The following MAML2 variants were observed in gnomAD, a reference collection of about 807,000 sequenced individuals.
MAML2 encodes mastermind like transcriptional coactivator 2.
In MAML2, 22 loss-of-function variants were observed where a neutral mutation model predicts 96.1. The observed-to-expected ratio is 0.23, with a 90% CI of 0.16 to 0.33. The LOEUF (loss-of-function observed/expected upper bound fraction) is 0.33. Among genes scored for constraint, MAML2 ranks in the 10% least tolerant of loss-of-function variants. MAML2 has a pLI of 1.00. For missense variants in MAML2, 1,367 were observed against 1,392.4 expected (o/e 0.98, Z 0.29); for synonymous variants, 561 against 521.3 (o/e 1.08, Z -1.04).
intron 1 of MAML2, among the ~76,000 whole-genome samples, chr11:96,198,936 G>A (rs1861771525): frequency 6.6e-6 from 1 of 150,494 alleles, no homozygotes; most frequent in African/African-American, 2.4e-5. Context: ...GGTGGCTCAC[G>A]TCTGTAATCC....
At chr11:96,266,503 G>A (rs1317735376) in intron 1 of MAML2, among the ~76,000 whole-genome samples, 5 of 151,790 alleles carry the variant, frequency 3.3e-5, no homozygotes, top group Non-Finnish European at 5.9e-5. Context: ...CCCAGGAGGC[G>A]GAGCTTGCAG....
At chr11:96,323,590 A>G (rs1284061778) in intron 1 of MAML2, among the ~76,000 whole-genome samples, 1 of 152,158 alleles carries the variant, frequency 6.6e-6, no homozygotes, top group Non-Finnish European at 1.5e-5. Flanking sequence ...ATTTAAACCC[A>G]AACTTATTCT....
chr11:96,025,481 C>T (rs1858502513), intron 2 of MAML2, among the ~76,000 whole-genome samples: 1 of 152,134 alleles, frequency 6.6e-6, no homozygotes, highest in Non-Finnish European at 1.5e-5. Context: ...AATTCATACC[C>T]CAAACCTCAG....
chr11:95,998,133 TGTCTGTCA>T (rs1267636179), intron 2 of MAML2, among the ~76,000 whole-genome samples: 22 of 137,636 alleles, frequency 1.6e-4, no homozygotes, highest in African/African-American at 5.6e-4. Context: ...TCTGTCTGTC[TGTCTGTCA>T]GTCTGTCTGT....
At chr11:96,273,949 C>G (rs1192459734) in intron 1 of MAML2, among the ~76,000 whole-genome samples, 3 of 152,070 alleles carry the variant, frequency 2.0e-5, no homozygotes, top group African/African-American at 7.2e-5. Flanking sequence ...ATTTTTACAA[C>G]ATGTAATTCC....
intron 2 of MAML2, among the ~76,000 whole-genome samples, chr11:96,066,572 C>G (rs1859248706): frequency 6.6e-6 from 1 of 152,090 alleles, no homozygotes; most frequent in Non-Finnish European, 1.5e-5. Context: ...GAGTTTAGAC[C>G]TAAAGTGAGA....
chr11:96,075,242 A>AATGT (rs1859416074), intron 2 of MAML2, among the ~76,000 whole-genome samples: 1 of 152,238 alleles, frequency 6.6e-6, no homozygotes, highest in South Asian at 2.1e-4. Context: ...CTATCCTGGT[A>AATGT]GCAAACTTGA....
At chr11:96,005,143 T>C (rs1312466645) in intron 2 of MAML2, among the ~76,000 whole-genome samples, 1 of 152,210 alleles carries the variant, frequency 6.6e-6, no homozygotes, top group Non-Finnish European at 1.5e-5. Flanking sequence ...AGAAATACAT[T>C]TCTGTTCTTT....
chr11:96,189,300 A>G (rs1260845401), intron 1 of MAML2, among the ~76,000 whole-genome samples: 1 of 152,214 alleles, frequency 6.6e-6, no homozygotes. Flanking sequence ...GCCATTTTGT[A>G]TGGCACAAGT....
chr11:96,326,388 CATGTA>C (rs1863781546), intron 1 of MAML2, among the ~76,000 whole-genome samples: 2 of 140,286 alleles, frequency 1.4e-5, no homozygotes, highest in South Asian at 4.5e-4. Context: ...TGTGTGTGTG[CATGTA>C]TGTGTGTGTG....
intron 1 of MAML2, among the ~76,000 whole-genome samples, chr11:96,137,939 A>G (rs763717258): frequency 2.6e-5 from 4 of 152,200 alleles, no homozygotes; most frequent in Non-Finnish European, 5.9e-5. Flanking sequence ...TTTTCCCCAC[A>G]ATATTCCTGT....
chr11:96,206,175 A>G (rs1861893407), intron 1 of MAML2, among the ~76,000 whole-genome samples: 1 of 152,228 alleles, frequency 6.6e-6, no homozygotes, highest in African/African-American at 2.4e-5. Flanking sequence ...GAACATGGAA[A>G]ATAAGTATAG....
chr11:96,201,659 C>T, intron 1 of MAML2, among the ~76,000 whole-genome samples: 1 of 152,200 alleles, frequency 6.6e-6, no homozygotes, highest in Non-Finnish European at 1.5e-5. Context: ...GTGGCTCATG[C>T]CTGTAATCCC....
chr11:96,005,495 T>A (rs1858165120), intron 2 of MAML2, among the ~76,000 whole-genome samples: 1 of 152,228 alleles, frequency 6.6e-6, no homozygotes, highest in African/African-American at 2.4e-5. Flanking sequence ...ATGAAATAAT[T>A]TGATTTTTTT....
At position 95,985,724 on chromosome 11, in the gene MAML2, T is replaced by G. The variant is rs531261721; in HGVS notation, c.2344-82A>C. On this transcript the variant is annotated intron_variant, in intron 3 of 4. Transcript: ENST00000524717. ...AATACATGTAAAATTTTGTAAAATT[T>G]CAGAAAATATAAGAACAATTTTGCA... 5.6e-6 allele frequency: 5 copies of G among 891,184 alleles called. No homozygotes were observed. The South Asian group carries it at 8.4e-5, about 15-fold the overall frequency. 55.2% of individuals were successfully genotyped at this position (891,184 alleles called of 1,614,324 possible). A position where few individuals can be genotyped will look rare whatever the true frequency, so the allele number is the denominator to read the frequency against.
intron 1 of MAML2, among the ~76,000 whole-genome samples, chr11:96,201,433 C>T (rs1029688543): frequency 1.3e-5 from 2 of 152,166 alleles, no homozygotes; most frequent in Non-Finnish European, 2.9e-5. Flanking sequence ...GAAACAATTA[C>T]GCTTAGTTTG....
chr11:96,107,854 G>A (rs1273033935), intron 1 of MAML2, among the ~76,000 whole-genome samples: 1 of 152,186 alleles, frequency 6.6e-6, no homozygotes, highest in Non-Finnish European at 1.5e-5. Context: ...GGGCACCCAG[G>A]GAGGGCATGG....
At chr11:96,318,874 G>A (rs963252943) in intron 1 of MAML2, among the ~76,000 whole-genome samples, 4 of 152,140 alleles carry the variant, frequency 2.6e-5, no homozygotes, top group Non-Finnish European at 4.4e-5. Flanking sequence ...ATGGTAACCT[G>A]GGCTATTGGC....
At chr11:95,995,442 C>A (rs188583253) in intron 2 of MAML2, among the ~76,000 whole-genome samples, 21 of 152,232 alleles carry the variant, frequency 1.4e-4, no homozygotes, top group African/African-American at 5.1e-4. Context: ...ATGCATAGTG[C>A]AATCATGTAC....
Sources: gnomAD v4.1 joint callset for allele counts (sites outside exome capture counted in the v4.1 genomes callset) on GRCh38, gnomAD v4.1.1 for gene constraint, MANE v1.5 for transcripts, NCBI Gene and HGNC (gene_info 2026-07-23, HGNC 2026-07-21) for gene names.